The following CBLB variants were observed in gnomAD, a reference collection of about 807,000 sequenced individuals.
The protein encoded by CBLB is Cbl proto-oncogene B.
CBLB carries 31 observed loss-of-function variants against 104.9 expected under a neutral mutation model. The ratio of observed to expected loss-of-function variants is 0.30; its 90% CI spans 0.22 to 0.40. The LOEUF (loss-of-function observed/expected upper bound fraction) is 0.40, where lower values mean the gene tolerates loss of function less well. Among genes scored for constraint, CBLB ranks in the 10% least tolerant of loss-of-function variants. CBLB has a pLI of 1.00. For synonymous variants in CBLB, 440 were observed against 422.6 expected (o/e 1.04, Z -0.51); for missense variants, 1,062 against 1,214.6 (o/e 0.87, Z 1.87).
At chr3:105,819,212 T>A (rs2153053892) in intron 3 of CBLB, among the ~76,000 whole-genome samples, 1 of 152,204 alleles carries the variant, frequency 6.6e-6, no homozygotes, top group Middle Eastern at 3.4e-3. Context: ...TGAGGCCGGG[T>A]GCAGTGGCTC....
At chr3:105,855,376 T>C (rs2091467469) in intron 2 of CBLB, among the ~76,000 whole-genome samples, 1 of 152,192 alleles carries the variant, frequency 6.6e-6, no homozygotes, top group Admixed American at 6.5e-5. Flanking sequence ...TACTGTATTC[T>C]GAAAATTTGC....
At chr3:105,800,857 T>A (rs897899654) in intron 3 of CBLB, among the ~76,000 whole-genome samples, 1 of 152,180 alleles carries the variant, frequency 6.6e-6, no homozygotes, top group African/African-American at 2.4e-5. Flanking sequence ...TTTACCAAAC[T>A]GCTACACAAA....
At chr3:105,736,085 T>C (rs2152865662) in intron 8 of CBLB, among the ~76,000 whole-genome samples, 1 of 152,354 alleles carries the variant, frequency 6.6e-6, no homozygotes, top group Admixed American at 6.5e-5. Context: ...AATTATTATC[T>C]ACTGTCTTAA....
intron 18 of CBLB, among the ~76,000 whole-genome samples, chr3:105,669,065 A>AATCCATCCATCCATCCATCCATCC (rs140483751): frequency 3.3e-5 from 5 of 149,848 alleles, no homozygotes; most frequent in African/African-American, 9.9e-5. Context: ...TGTCCACTCA[A>AATCCATCCATCCATCCATCCATCC]ATCCATCCAT....
chr3:105,763,264 G>T (rs1395545151), intron 4 of CBLB, among the ~76,000 whole-genome samples: 2 of 152,102 alleles, frequency 1.3e-5, no homozygotes, highest in African/African-American at 4.8e-5. Context: ...AGTTAATGCT[G>T]GAATGAGTTA....
At chr3:105,846,702 T>G (rs1421644476) in intron 3 of CBLB, among the ~76,000 whole-genome samples, 4 of 152,128 alleles carry the variant, frequency 2.6e-5, no homozygotes, top group Admixed American at 6.6e-5. Flanking sequence ...GGCTCCACAT[T>G]CCTGTACTTA....
intron 6 of CBLB, among the ~76,000 whole-genome samples, chr3:105,745,563 G>T (rs937532796): frequency 6.6e-6 from 1 of 152,122 alleles, no homozygotes. Flanking sequence ...GAGCCTAAAT[G>T]AATGTCTTAA....
chr3:105,719,516 G>A (rs2072452150), intron 10 of CBLB, among the ~76,000 whole-genome samples: 1 of 152,138 alleles, frequency 6.6e-6, no homozygotes, highest in Non-Finnish European at 1.5e-5. Flanking sequence ...TTGCCTGGTG[G>A]GTGACATCAT....
intron 9 of CBLB, among the ~76,000 whole-genome samples, chr3:105,726,180 C>A (rs2073602645): frequency 6.6e-6 from 1 of 152,190 alleles, no homozygotes; most frequent in Admixed American, 6.5e-5. Flanking sequence ...TAAAAGTGAT[C>A]ATTTGAACTT....
chr3:105,689,808 C>G (rs2067449832), intron 13 of CBLB, among the ~76,000 whole-genome samples: 1 of 151,860 alleles, frequency 6.6e-6, no homozygotes, highest in Non-Finnish European at 1.5e-5. Context: ...CTAGGATTTA[C>G]TTAAAATTTT....
At chr3:105,824,408 G>A (rs1324841717) in intron 3 of CBLB, among the ~76,000 whole-genome samples, 1 of 152,024 alleles carries the variant, frequency 6.6e-6, no homozygotes, top group Non-Finnish European at 1.5e-5. Context: ...CTAGTTTTTT[G>A]CCACCCAAGC....
At chr3:105,683,034 C>T (rs2301049) in intron 14 of CBLB, among the ~76,000 whole-genome samples, 39,348 of 152,278 alleles carry the variant, frequency 0.26, 5,260 homozygotes, top group Admixed American at 0.27. Flanking sequence ...ATGGAAGAGA[C>T]GGATATTTGA....
At chr3:105,728,658 G>A (rs1193804730) in intron 9 of CBLB, among the ~76,000 whole-genome samples, 2 of 152,060 alleles carry the variant, frequency 1.3e-5, no homozygotes, top group African/African-American at 4.8e-5. Context: ...ATTACTAAGG[G>A]TAGCACAAAA....
intron 2 of CBLB, among the ~76,000 whole-genome samples, chr3:105,863,801 C>T (rs778857872): frequency 1.2e-4 from 19 of 152,090 alleles, no homozygotes; most frequent in Non-Finnish European, 2.1e-4. Context: ...AAATAAATGA[C>T]GAGGACAGCA....
intron 4 of CBLB, 90 bp from the exon 5 acceptor site, chr3:105,751,708 T>A (rs1160144204): frequency 6.5e-6 from 6 of 924,358 alleles, no homozygotes; most frequent in Non-Finnish European, 1.1e-5. Context: ...AATAATAAAA[T>A]TAATATAATT....
rs548728586 is a variant in CBLB at position 105,661,322 on chromosome 3, C to A, written c.2690-2093G>T. Among the ~76,000 whole-genome samples the A allele has an allele frequency of 3.9e-5, 6 of 152,124 alleles. No individual in the cohort carries two copies. In the South Asian group the frequency reaches 1.0e-3, roughly 26 times the overall value. ...GCGTTTCTTAGTATGTTTTGTAGTTCCATTTATTTTCCTATTATTTTCATT... is the reference window on the plus strand; with the variant it reads ...GCGTTTCTTAGTATGTTTTGTAGTTACATTTATTTTCCTATTATTTTCATT... On this transcript the variant is annotated intron_variant, in intron 18 of 18. Transcript: ENST00000394030.
At chr3:105,819,959 G>GCACT (rs1186996238) in intron 3 of CBLB, among the ~76,000 whole-genome samples, 1 of 152,024 alleles carries the variant, frequency 6.6e-6, no homozygotes, top group African/African-American at 2.4e-5. Context: ...TGATCCAAGT[G>GCACT]CACTACATTT....
chr3:105,706,581 T>C (rs183095137), intron 10 of CBLB, among the ~76,000 whole-genome samples: 237 of 152,306 alleles, frequency 1.6e-3, no homozygotes, highest in African/African-American at 5.6e-3. Context: ...GTAAAGCTAT[T>C]TGCATCACAG....
At chr3:105,833,903 G>C (rs574659827) in intron 3 of CBLB, among the ~76,000 whole-genome samples, 1 of 151,148 alleles carries the variant, frequency 6.6e-6, no homozygotes, top group South Asian at 2.1e-4. Context: ...AAAACCTTTC[G>C]TTTTAAAAAA....
Sources: allele counts gnomAD v4.1 joint callset (sites outside exome capture counted in the v4.1 genomes callset), GRCh38; gene constraint gnomAD v4.1.1; transcripts MANE v1.5; gene names NCBI Gene and HGNC (gene_info 2026-07-23, HGNC 2026-07-21).